FBN2: variants seen among roughly 807,000 people sequenced by gnomAD.
The protein encoded by FBN2 is fibrillin 2.
In FBN2, 105 loss-of-function variants were observed where a neutral mutation model predicts 355.6. The ratio of observed to expected loss-of-function variants is 0.30; its 90% CI spans 0.25 to 0.35. FBN2 has a LOEUF of 0.35. FBN2 is among the 10% of genes least tolerant of loss of function. The pLI, the probability that FBN2 is intolerant of heterozygous loss-of-function variation, is 1.00. For synonymous variants in FBN2, 1,350 were observed against 1,301.2 expected (o/e 1.04, Z -0.81); for missense variants, 3,280 against 3,758.7 (o/e 0.87, Z 3.33).
chr5:128,518,944 A>G (rs1413725640), intron 5 of FBN2, among the ~76,000 whole-genome samples: 2 of 152,140 alleles, frequency 1.3e-5, no homozygotes, highest in African/African-American at 2.4e-5. Flanking sequence ...ACACTATTTC[A>G]TTTTTAACAG....
At chr5:128,274,115 C>T (rs183354607) in intron 60 of FBN2, 147 bp from the exon 61 acceptor site, 78 of 850,742 alleles carry the variant, frequency 9.2e-5, no homozygotes, top group Non-Finnish European at 1.4e-4. Context: ...AATTCACTGT[C>T]ATATTAAAGA....
chr5:128,526,586 C>CG, intron 4 of FBN2, among the ~76,000 whole-genome samples: 2 of 152,200 alleles, frequency 1.3e-5, no homozygotes, highest in Middle Eastern at 6.8e-3. Flanking sequence ...TGCTAAAACA[C>CG]GGATGAACCT....
intron 5 of FBN2, among the ~76,000 whole-genome samples, chr5:128,476,716 G>A (rs1343401816): frequency 1.3e-5 from 2 of 151,528 alleles, no homozygotes; most frequent in East Asian, 3.9e-4. Flanking sequence ...TTAATAGACA[G>A]GTTTACAGCT....
At chr5:128,343,110 G>A (rs1020545836) in intron 25 of FBN2, among the ~76,000 whole-genome samples, 3 of 152,128 alleles carry the variant, frequency 2.0e-5, no homozygotes, top group South Asian at 2.1e-4. Context: ...GAAGGAGAAC[G>A]GTAATAGATG....
intron 62 of FBN2, among the ~76,000 whole-genome samples, chr5:128,263,899 C>T (rs1178904487): frequency 6.6e-6 from 1 of 152,122 alleles, no homozygotes; most frequent in Non-Finnish European, 1.5e-5. Context: ...GTCTGCAGCC[C>T]TTGGGAACAG....
intron 5 of FBN2, among the ~76,000 whole-genome samples, chr5:128,465,169 C>A (rs575828596): frequency 7.9e-5 from 12 of 152,158 alleles, no homozygotes; most frequent in African/African-American, 2.7e-4. Context: ...TACAGATGTG[C>A]CTTCTTGGCC....
intron 5 of FBN2, among the ~76,000 whole-genome samples, chr5:128,507,863 G>C (rs923654010): frequency 2.6e-5 from 4 of 152,038 alleles, no homozygotes; most frequent in African/African-American, 9.7e-5. Flanking sequence ...CAATTATTGA[G>C]AGGGGGTACT....
Position 128,259,827 on chromosome 5 carries a change from A to C in FBN2, c.8367T>G (p.Val2789=). The C allele has an allele frequency of 6.2e-7, 1 of 1,613,496 alleles. No homozygotes were observed. The change falls in exon 65 of 65, where the codon GTT becomes GTG. Residue 2789 remains valine, a splice_region_variant and synonymous_variant. Coordinates refer to ENST00000262464, the MANE Select transcript of FBN2 (RefSeq NM_001999.4). Reference sequence around the variant, plus strand: ...CGACACTCTCTAGGCTGATCTGTTCAACCTGGAGGAAGAACAGGAAATGAT... The same window carrying C: ...CGACACTCTCTAGGCTGATCTGTTCCACCTGGAGGAAGAACAGGAAATGAT... ...RSIHEPDPTA[V]EQISLESVDM...
chr5:128,445,298 ATATAAC>A (rs1754036392), intron 7 of FBN2, among the ~76,000 whole-genome samples: 1 of 152,188 alleles, frequency 6.6e-6, no homozygotes, highest in South Asian at 2.1e-4. Flanking sequence ...CATAAAATGT[ATATAAC>A]TATAACAATT....
chr5:128,403,789 C>A (rs772368498), intron 8 of FBN2, among the ~76,000 whole-genome samples: 2 of 151,488 alleles, frequency 1.3e-5, no homozygotes, highest in African/African-American at 4.9e-5. Flanking sequence ...ATTAAACACA[C>A]TAGATAGATA....
At chr5:128,520,960 A>G (rs1381548626) in intron 4 of FBN2, among the ~76,000 whole-genome samples, 1 of 152,180 alleles carries the variant, frequency 6.6e-6, no homozygotes, top group Admixed American at 6.5e-5. Flanking sequence ...AACATGAAAA[A>G]AATAAAGATG....
intron 5 of FBN2, among the ~76,000 whole-genome samples, chr5:128,492,608 G>C (rs1755538741): frequency 6.6e-6 from 1 of 152,046 alleles, no homozygotes; most frequent in African/African-American, 2.4e-5. Flanking sequence ...TTCAAGACCA[G>C]CCTTGCCAAC....
At chr5:128,370,340 T>C (rs950769163) in intron 15 of FBN2, among the ~76,000 whole-genome samples, 2 of 152,182 alleles carry the variant, frequency 1.3e-5, no homozygotes, top group African/African-American at 4.8e-5. Context: ...TCACAACTTG[T>C]TGGAAAAAAT....
Position 128,301,406 on chromosome 5 carries a change from T to G in FBN2, c.6022A>C (p.Thr2008Pro), listed in dbSNP as rs370036244. 8.7e-6 allele frequency: 14 copies of G among 1,613,370 alleles called. No homozygotes were observed. Among genetic ancestry groups the G allele is most frequent in the Non-Finnish European group, 1.2e-5 (14 of 1,179,584 alleles). ...CCTATACAGTTTTTGCCATCTGGGG[T>G]AAGTTCATAACCTTCGTTACATAGA... ...KCLCNEGYEL[T>P]PDGKNCIDTN... is the part of the protein sequence containing the mutation. Residue 2008 changes from threonine to proline, a missense_variant, in exon 47 of 65, where the codon ACC becomes CCC. Thr to Pro is a conservative substitution (Grantham distance 38). Transcript: ENST00000262464.
intron 44 of FBN2, 144 bp from the exon 45 acceptor site, chr5:128,305,226 C>G: frequency 1.2e-6 from 1 of 863,144 alleles, no homozygotes; most frequent in Non-Finnish European, 1.8e-6. Flanking sequence ...TCAAAATGAG[C>G]AGGACTTCAA....
At chr5:128,463,962 G>A (rs1267595700) in intron 6 of FBN2, among the ~76,000 whole-genome samples, 1 of 152,202 alleles carries the variant, frequency 6.6e-6, no homozygotes, top group Non-Finnish European at 1.5e-5. Flanking sequence ...CATTTAAGAA[G>A]TCATTAGAGA....
At chr5:128,303,212 T>A in intron 45 of FBN2, 123 bp from the exon 46 acceptor site, 1 of 687,982 alleles carries the variant, frequency 1.5e-6, no homozygotes, top group East Asian at 2.6e-5. Flanking sequence ...TAGAAACTCA[T>A]ATCTACTTGA....
chr5:128,456,205 T>C (rs1344751238), intron 6 of FBN2, among the ~76,000 whole-genome samples: 1 of 151,738 alleles, frequency 6.6e-6, no homozygotes, highest in Non-Finnish European at 1.5e-5. Flanking sequence ...TCTTCAGGTC[T>C]AACCCTGACC....
At chr5:128,331,983 C>G in intron 32 of FBN2, among the ~76,000 whole-genome samples, 1 of 152,128 alleles carries the variant, frequency 6.6e-6, no homozygotes, top group East Asian at 1.9e-4. Context: ...GATGGCTGGA[C>G]TAGAGGCTGG....
Sources: gnomAD v4.1 joint callset for allele counts (sites outside exome capture counted in the v4.1 genomes callset) on GRCh38, gnomAD v4.1.1 for gene constraint, MANE v1.5 for transcripts, NCBI Gene and HGNC (gene_info 2026-07-23, HGNC 2026-07-21) for gene names.